Variants in DCLK2 observed in about 807,000 individuals in gnomAD.
DCLK2 encodes the protein doublecortin like kinase 2.
A neutral mutation model predicts 78.4 loss-of-function variants in DCLK2; 31 were observed. The observed-to-expected ratio is 0.40, with a 90% CI of 0.30 to 0.53. The LOEUF is 0.53. Ranked by LOEUF, DCLK2 falls within the 20% of genes least tolerant of loss-of-function variation. The pLI, the probability that DCLK2 is intolerant of heterozygous loss-of-function variation, is 0.61. For missense variants in DCLK2, 872 were observed against 973.7 expected, an observed-to-expected ratio of 0.90 and a Z score of 1.39; for synonymous variants, 407 against 374.9, an observed-to-expected ratio of 1.09 and a Z score of -0.99.
chr4:150,158,662 A>G (rs1321566331), intron 2 of DCLK2, among the ~76,000 whole-genome samples: 1 of 152,228 alleles, frequency 6.6e-6, no homozygotes, highest in Non-Finnish European at 1.5e-5. Flanking sequence ...AATGATAAAT[A>G]TAACAGACTG....
At chr4:150,252,459 C>T (rs1744245613) in intron 15 of DCLK2, among the ~76,000 whole-genome samples, 1 of 152,152 alleles carries the variant, frequency 6.6e-6, no homozygotes, top group South Asian at 2.1e-4. Context: ...TTGCTGGGGT[C>T]ACTTTTTGAC....
At chr4:150,238,433 A>G (rs1742667946) in intron 10 of DCLK2, among the ~76,000 whole-genome samples, 1 of 152,142 alleles carries the variant, frequency 6.6e-6, no homozygotes, top group Admixed American at 6.5e-5. Context: ...CCCCTAGAGT[A>G]GGTTTTGAGA....
intron 10 of DCLK2, among the ~76,000 whole-genome samples, chr4:150,238,185 A>G (rs1257851679): frequency 6.6e-6 from 1 of 152,236 alleles, no homozygotes; most frequent in East Asian, 1.9e-4. Flanking sequence ...TAAACTTGTT[A>G]ACATTTTTGA....
chr4:150,247,344 ACT>A (rs1016635451), intron 12 of DCLK2, among the ~76,000 whole-genome samples: 33 of 151,944 alleles, frequency 2.2e-4, no homozygotes, highest in African/African-American at 7.5e-4. Flanking sequence ...CCAAACCGAA[ACT>A]CTGCATTCAT....
intron 2 of DCLK2, among the ~76,000 whole-genome samples, chr4:150,166,500 A>C (rs1736091362): frequency 6.6e-6 from 1 of 151,832 alleles, no homozygotes; most frequent in African/African-American, 2.4e-5. Flanking sequence ...TCTCAAAAAA[A>C]AGTACAAAAA....
intron 2 of DCLK2, among the ~76,000 whole-genome samples, chr4:150,174,412 T>G (rs1367744700): frequency 6.6e-6 from 1 of 152,180 alleles, no homozygotes; most frequent in Non-Finnish European, 1.5e-5. Context: ...CATCCACTTC[T>G]TTCACAACGT....
At chr4:150,128,278 T>G (rs987720350) in intron 2 of DCLK2, among the ~76,000 whole-genome samples, 13 of 152,018 alleles carry the variant, frequency 8.6e-5, no homozygotes, top group African/African-American at 2.9e-4. Flanking sequence ...CTTAATTTGA[T>G]GGATATAAAG....
chr4:150,163,871 T>C (rs998020406), intron 2 of DCLK2, among the ~76,000 whole-genome samples: 2 of 152,172 alleles, frequency 1.3e-5, no homozygotes, highest in Non-Finnish European at 2.9e-5. Flanking sequence ...TTTTAGGAAG[T>C]TAGTTATTTT....
chr4:150,079,036 C>T lies in DCLK2; in HGVS notation c.9C>T (p.Ser3=). MA[S]TRSIELEHFE... ...CCCTCGGAGCAGCCGCGATGGCCAG[C>T]ACCAGGAGTATCGAGCTGGAGCACT... Residue 3 remains serine, a synonymous_variant, in exon 1 of 16, where the codon AGC becomes AGT. Transcript: ENST00000296550. The T allele has an allele frequency of 1.3e-6, 2 of 1,539,998 alleles. No homozygotes were observed. The highest frequency in any genetic ancestry group is 8.7e-7 in the Non-Finnish European group (1 of 1,148,702).
intron 2 of DCLK2, among the ~76,000 whole-genome samples, chr4:150,168,805 A>G (rs979203393): frequency 7.2e-5 from 11 of 152,190 alleles, no homozygotes; most frequent in African/African-American, 1.4e-4. Flanking sequence ...CCAATCCACA[A>G]TTCTCACTGA....
intron 15 of DCLK2, chr4:150,253,298 G>C: frequency 1.6e-6 from 1 of 638,630 alleles, no homozygotes; most frequent in Non-Finnish European, 2.7e-6. Flanking sequence ...CAACCGTCTG[G>C]AGGTTGAATC....
At chr4:150,156,629 A>G (rs1304790520) in intron 2 of DCLK2, among the ~76,000 whole-genome samples, 2 of 151,884 alleles carry the variant, frequency 1.3e-5, no homozygotes, top group Non-Finnish European at 2.9e-5. Context: ...TGATCATGCC[A>G]TTGCACCTGC....
intron 5 of DCLK2, among the ~76,000 whole-genome samples, chr4:150,205,857 A>G (rs569429769): frequency 5.1e-4 from 77 of 152,214 alleles, no homozygotes; most frequent in Non-Finnish European, 9.6e-4. Flanking sequence ...CCACATGCCA[A>G]GGTCCTTCAT....
chr4:150,154,700 G>A (rs1326745607), intron 2 of DCLK2, among the ~76,000 whole-genome samples: 3 of 151,876 alleles, frequency 2.0e-5, no homozygotes, highest in Non-Finnish European at 2.9e-5. Context: ...GTGGGGTGAT[G>A]GTTTTTATTG....
chr4:150,099,448 A>C (rs1413303955), intron 1 of DCLK2, among the ~76,000 whole-genome samples: 1 of 152,210 alleles, frequency 6.6e-6, no homozygotes, highest in Non-Finnish European at 1.5e-5. Context: ...TTGTAGGCAA[A>C]TCTATATAAG....
chr4:150,102,390 C>T (rs183717985), intron 1 of DCLK2, 88 bp from the exon 2 acceptor site: 1 of 1,333,916 alleles, frequency 7.5e-7, no homozygotes, highest in Non-Finnish European at 1.0e-6. Context: ...TAAGGGTTCA[C>T]TTAATGGGTT....
chr4:150,210,948 C>CAAAA (rs1406606300), intron 5 of DCLK2, among the ~76,000 whole-genome samples: 1 of 80,194 alleles, frequency 1.2e-5, no homozygotes, highest in African/African-American at 4.6e-5. Flanking sequence ...GACTCTGTCT[C>CAAAA]AAAAAAAAAA....
At chr4:150,135,737 G>T (rs1161905604) in intron 2 of DCLK2, among the ~76,000 whole-genome samples, 1 of 152,196 alleles carries the variant, frequency 6.6e-6, no homozygotes, top group Non-Finnish European at 1.5e-5. Context: ...TTCAAAGCTT[G>T]AATTCCAGTG....
At chr4:150,180,199 C>T (rs1737406840) in intron 2 of DCLK2, among the ~76,000 whole-genome samples, 1 of 152,146 alleles carries the variant, frequency 6.6e-6, no homozygotes. Flanking sequence ...CTCAGCTCCT[C>T]CCTTACTGGC....
Sources: gnomAD v4.1 joint callset for allele counts (sites outside exome capture counted in the v4.1 genomes callset) on GRCh38, gnomAD v4.1.1 for gene constraint, MANE v1.5 for transcripts, NCBI Gene and HGNC (gene_info 2026-07-23, HGNC 2026-07-21) for gene names.